PLA2G6: variants seen among roughly 807,000 people sequenced by gnomAD.
The protein encoded by PLA2G6 is 85/88 kDa calcium-independent phospholipase A2.
PLA2G6 carries 62 observed loss-of-function variants against 83.8 expected under a neutral mutation model. That is an observed-to-expected ratio of 0.74 (90% CI 0.60 to 0.91). The LOEUF is 0.91. PLA2G6 is among the 40% of genes least tolerant of loss of function. The pLI is 0.00. For synonymous variants in PLA2G6, 417 were observed against 449.8 expected, an observed-to-expected ratio of 0.93 and a Z score of 0.92; for missense variants, 944 against 1,102.0, an observed-to-expected ratio of 0.86 and a Z score of 2.03.
In PLA2G6 at chr22:38,133,017, C is replaced by T. The variant is rs1194286714; in HGVS notation, c.895-4G>A. ...GTTTCAGCAGCATGCGGGCCATCTG[C>T]GGGAGACGGTCAGGCTGAGTTAGCA... On this transcript the variant is annotated splice_polypyrimidine_tract_variant and splice_region_variant and intron_variant, in intron 6 of 16. Transcript: ENST00000332509. 5.8e-6 allele frequency: 9 copies of T among 1,558,910 alleles called. No individual in the cohort carries two copies. Among genetic ancestry groups the T allele is most frequent in the South Asian group, 3.5e-5 (3 of 84,852 alleles).
intron 10 of PLA2G6, among the ~76,000 whole-genome samples, chr22:38,124,361 T>C (rs1034160420): frequency 6.6e-6 from 1 of 152,186 alleles, no homozygotes; most frequent in Admixed American, 6.5e-5. Flanking sequence ...CCAAGTCATA[T>C]GGATGCGGAC....
rs781479946 is a variant in PLA2G6, at chr22:38,114,476, C to T, written c.2035-822G>A. On this transcript the variant is annotated intron_variant, in intron 14 of 16. Coordinates refer to ENST00000332509, the MANE Select transcript of PLA2G6 (RefSeq NM_003560.4). ...CTGGGATTACAGGCGTGAGCCGCTG[C>T]GCCCGGCCGCTGCCTCTCTTATTTG... Among the ~76,000 whole-genome samples the T allele has an allele frequency of 3.9e-5, 6 of 152,220 alleles. No homozygotes were observed. In the East Asian group the frequency reaches 9.6e-4, roughly 24 times the overall value.
At chr22:38,170,988 T>C (rs1318698291) in intron 1 of PLA2G6, among the ~76,000 whole-genome samples, 1 of 152,008 alleles carries the variant, frequency 6.6e-6, no homozygotes, top group African/African-American at 2.4e-5. Flanking sequence ...CTGACCAACA[T>C]GGAGAAACCC....
intron 2 of PLA2G6, among the ~76,000 whole-genome samples, chr22:38,162,600 C>A (rs2090062042): frequency 6.6e-6 from 1 of 152,104 alleles, no homozygotes; most frequent in Admixed American, 6.6e-5. Flanking sequence ...ATGATAAAGG[C>A]CAGCGCGTGG....
intron 2 of PLA2G6, among the ~76,000 whole-genome samples, chr22:38,158,195 G>A (rs2089867572): frequency 7.2e-6 from 1 of 139,290 alleles, no homozygotes. Flanking sequence ...TTGAGATGAA[G>A]TTTCACTCAT....
chr22:38,135,605 C>T (rs1228589478), intron 5 of PLA2G6: 1 of 155,052 alleles, frequency 6.4e-6, no homozygotes, highest in Non-Finnish European at 1.4e-5. Context: ...CAAGCAGTGT[C>T]CACCAGAGAT....
intron 9 of PLA2G6, chr22:38,127,497 A>G: frequency 8.1e-7 from 1 of 1,230,784 alleles, no homozygotes; most frequent in African/African-American, 1.5e-5. Context: ...GTGGAGGGGG[A>G]GTTCCTGGGA....
chr22:38,179,280 C>T (rs559658911), intron 1 of PLA2G6, among the ~76,000 whole-genome samples: 20 of 152,214 alleles, frequency 1.3e-4, no homozygotes, highest in Admixed American at 7.2e-4. Context: ...GAGGCCACTG[C>T]AAAGAAACAA....
Position 38,145,449 on chromosome 22 carries a change from G to A in PLA2G6, c.414C>T (p.Ser138=), listed in dbSNP as rs1307280978. ...GTTCCCTTGCTCACCTGATGATACG[G>A]CTGTGATGGAAGCACTCGCGGATCC... ...ELGIRECFHH[S]RIISCANCAE... Residue 138 remains serine (S), a synonymous_variant, in exon 3 of 17, where the codon AGC becomes AGT. Transcript: ENST00000332509. 2 of 1,607,246 alleles carry A rather than the reference G, an allele frequency of 1.2e-6. No individual in the cohort carries two copies.
At chr22:38,150,774 TC>T (rs1168191884) in intron 2 of PLA2G6, among the ~76,000 whole-genome samples, 3 of 152,128 alleles carry the variant, frequency 2.0e-5, no homozygotes, top group Non-Finnish European at 4.4e-5. Context: ...TGGAATGACT[TC>T]CTTAAAGAGC....
intron 10 of PLA2G6, among the ~76,000 whole-genome samples, chr22:38,125,015 G>C (rs2087751766): frequency 6.6e-6 from 1 of 152,226 alleles, no homozygotes; most frequent in Non-Finnish European, 1.5e-5. Context: ...AGGGTTCTGA[G>C]GCTCCAGAAT....
Position 38,140,087 on chromosome 22 carries a change from C to T in PLA2G6, c.692G>A (p.Gly231Glu), listed in dbSNP as rs771856717. 6.2e-7 allele frequency: 1 copy of T among 1,614,124 alleles called. No individual in the cohort carries two copies. Among genetic ancestry groups the T allele is most frequent in the Non-Finnish European group, 8.5e-7 (1 of 1,180,010 alleles). ...LTPLHLACQLGKQEMVRVLLL... is the reference protein window; with the variant it reads ...LTPLHLACQLEKQEMVRVLLL... ...CAGCACGCGGACCATCTCCTGCTTCCCCAGCTGGCAGGCCAGGTGCAGCGG... is the reference window on the plus strand; with the variant it reads ...CAGCACGCGGACCATCTCCTGCTTCTCCAGCTGGCAGGCCAGGTGCAGCGG... The change falls in exon 5 of 17, where the codon GGG becomes GAG. Residue 231 changes from glycine (G) to glutamate (E), a missense_variant. Transcript: ENST00000332509.
chr22:38,132,094 G>A lies in PLA2G6; in HGVS notation c.1077+737C>T, dbSNP rs771829258. ...CGCGCCACTGCACTCCAGCCTGGGC[G>A]ACAGTGCGAGACTCCATCTCGAAAA... On this transcript the variant is annotated intron_variant, in intron 7 of 16. Coordinates refer to ENST00000332509, the MANE Select transcript of PLA2G6 (RefSeq NM_003560.4). This position sits in a 1 kb window ranked among gnomAD's most constrained non-coding sequence, Gnocchi z 5.0. The A allele has an allele frequency of 4.0e-5, 18 of 454,504 alleles. No individual in the cohort carries two copies. Among genetic ancestry groups the A allele is most frequent in the Admixed American group, 7.1e-5 (3 of 42,348 alleles). The allele number at this position is 454,504 out of a possible 1,614,324, so 28.2% of individuals were successfully genotyped here.
chr22:38,145,626 G>A lies in PLA2G6; in HGVS notation c.237C>T (p.Asp79=), dbSNP rs143953199. The A allele has an allele frequency of 1.1e-4, 173 of 1,612,940 alleles. No individual in the cohort carries two copies. Among genetic ancestry groups the A allele is most frequent in the East Asian group, 1.3e-4 (6 of 44,854 alleles). The stretch of plus-strand genomic sequence containing the variant: ...AATACTGATGGAAATTCACTAGGGC[G>A]TCAGCCTCCAACTCCAGCTGGAAGA... ...FRLFQLELEA[D]ALVNFHQYSS... is the part of the protein sequence containing the mutation. The change falls in exon 3 of 17, where the codon GAC becomes GAT. Residue 79 remains aspartate (D), a synonymous_variant. Transcript: ENST00000332509.
intron 12 of PLA2G6, among the ~76,000 whole-genome samples, chr22:38,116,851 CA>C (rs57712042): frequency 0.17 from 6,294 of 37,382 alleles, 50 homozygotes; most frequent in African/African-American, 0.26. Context: ...AACTCCGTCT[CA>C]AAAAAAAAAA....
At chr22:38,147,365 A>T (rs2089317101) in intron 2 of PLA2G6, 1 of 169,252 alleles carries the variant, frequency 5.9e-6, no homozygotes. Context: ...CAAGCGCAGC[A>T]GCCAGCCAGA....
chr22:38,119,660 T>C (rs2087411393), intron 12 of PLA2G6, among the ~76,000 whole-genome samples: 1 of 151,950 alleles, frequency 6.6e-6, no homozygotes, highest in Non-Finnish European at 1.5e-5. Context: ...ACCCCATCTC[T>C]ACAAAAAATA....
chr22:38,155,104 G>A (rs973578562), intron 2 of PLA2G6, among the ~76,000 whole-genome samples: 6 of 152,224 alleles, frequency 3.9e-5, no homozygotes, highest in Non-Finnish European at 7.4e-5. Flanking sequence ...GCGGGCGCCT[G>A]TAATCCCAGC....
At chr22:38,120,511 A>G (rs2087462663) in intron 12 of PLA2G6, among the ~76,000 whole-genome samples, 1 of 151,664 alleles carries the variant, frequency 6.6e-6, no homozygotes, top group East Asian at 1.9e-4. Context: ...AGAGCCGGGC[A>G]GGGCAGAGCC....
Sources: allele counts gnomAD v4.1 joint callset (sites outside exome capture counted in the v4.1 genomes callset), GRCh38; gene constraint gnomAD v4.1.1; non-coding constraint Gnocchi (gnomAD v3.1); transcripts MANE v1.5; gene names NCBI Gene and HGNC (gene_info 2026-07-23, HGNC 2026-07-21).